PCDHGA6: variants seen among roughly 807,000 people sequenced by gnomAD.
The protein encoded by PCDHGA6 is protocadherin gamma-A6.
A neutral mutation model predicts 60.6 loss-of-function variants in PCDHGA6; 41 were observed. The observed-to-expected ratio is 0.68, with a 90% CI of 0.53 to 0.88. The LOEUF is 0.88. Among genes scored for constraint, PCDHGA6 ranks in the 40% least tolerant of loss-of-function variants. PCDHGA6 has a pLI of 0.00. For missense variants in PCDHGA6, 1,312 were observed against 1,203.0 expected (o/e 1.09, Z -1.34); for synonymous variants, 594 against 524.4 (o/e 1.13, Z -1.81).
intron 1 of PCDHGA6, chr5:141,415,531 C>G (rs777787905): frequency 1.2e-6 from 2 of 1,614,030 alleles, no homozygotes; most frequent in Non-Finnish European, 1.7e-6. Context: ...GCTCATCAGC[C>G]AGGAGAGCTG....
chr5:141,477,223 T>C lies in PCDHGA6; in HGVS notation c.2425-17584T>C. The C allele has an allele frequency of 6.2e-7, 1 of 1,614,198 alleles. No homozygotes were observed. On this transcript the variant is annotated intron_variant, in intron 1 of 3. Coordinates refer to ENST00000517434, the MANE Select transcript of PCDHGA6 (RefSeq NM_018919.3). This position sits in a 1 kb window ranked among gnomAD's most constrained non-coding sequence, Gnocchi z 4.9. ...TACCCGAGGATGCCCCTCTGGGGAC[T>C]GTCATCGCTTTGCTCAGTGTGACTG... is the stretch of plus-strand genomic sequence containing the variant.
rs2098680935 is a variant in PCDHGA6, at chr5:141,450,471, G to A, written c.2425-44336G>A. 2.0e-5 allele frequency among the ~76,000 whole-genome samples: 3 copies of A among 147,910 alleles called. No homozygotes were observed. In the South Asian group the frequency reaches 6.2e-4, roughly 31 times the overall value. ...GTTTCCTCGTGATTTTATATATAGA[G>A]TTTGTTTGTTTGTTTGTCTGTTTGT... On this transcript the variant is annotated intron_variant, in intron 1 of 3. Transcript: ENST00000517434.
intron 1 of PCDHGA6, chr5:141,418,958 G>A: frequency 4.3e-6 from 7 of 1,614,000 alleles, no homozygotes; most frequent in Non-Finnish European, 5.9e-6. Context: ...AGTGGTTGTT[G>A]CCCTCTTCAA....
chr5:141,419,514 T>C (rs1180212485), intron 1 of PCDHGA6: 1 of 1,612,266 alleles, frequency 6.2e-7, no homozygotes, highest in Admixed American at 1.7e-5. Context: ...CGCGTGTTGG[T>C]GGGCGACCGT....
At chr5:141,415,937 C>T (rs939831077) in intron 1 of PCDHGA6, 8 of 587,822 alleles carry the variant, frequency 1.4e-5, no homozygotes, top group Non-Finnish European at 2.0e-5. Context: ...TATATTTCCT[C>T]CTGGGTGGTC....
rs375166529 is a variant in PCDHGA6, at chr5:141,399,734, C to G, written c.2424+23227C>G. The G allele has an allele frequency of 3.7e-6, 6 of 1,613,220 alleles. No homozygotes were observed. The African/African-American group carries it at 4.0e-5, about 11-fold the overall frequency. ...CTACAGGCCCGCGACCAGGGCTCGC[C>G]TGCGCTCAGCGCAAACGTGAGCCTG... On this transcript the variant is annotated intron_variant, in intron 1 of 3. Transcript: ENST00000517434.
chr5:141,443,226 A>T (rs2098374954), intron 1 of PCDHGA6, among the ~76,000 whole-genome samples: 1 of 152,042 alleles, frequency 6.6e-6, no homozygotes, highest in Non-Finnish European at 1.5e-5. Flanking sequence ...CGCATCTATA[A>T]TCTTAGCACT....
chr5:141,405,835 A>C (rs2094724459), intron 1 of PCDHGA6, among the ~76,000 whole-genome samples: 1 of 152,178 alleles, frequency 6.6e-6, no homozygotes, highest in African/African-American at 2.4e-5. Flanking sequence ...AGGTAGTATA[A>C]GTTGATATCA....
At position 141,432,458 on chromosome 5, in the gene PCDHGA6, C is replaced by T. The variant is rs1368524835; in HGVS notation, c.2424+55951C>T. 1.9e-6 allele frequency: 3 copies of T among 1,614,136 alleles called. No individual in the cohort carries two copies. The highest frequency in any genetic ancestry group is 8.5e-7 in the Non-Finnish European group (1 of 1,180,066). ...TGCGCCCGAGATCCTGTACCCCGCC[C>T]TCCCCACGGACGGTTCCACTGGCGT... On this transcript the variant is annotated intron_variant, in intron 1 of 3. Transcript: ENST00000517434. This position sits in a 1 kb window ranked among gnomAD's most constrained non-coding sequence, Gnocchi z 6.0.
chr5:141,442,898 TCTC>T (rs1427810429), intron 1 of PCDHGA6, among the ~76,000 whole-genome samples: 14 of 152,222 alleles, frequency 9.2e-5, no homozygotes, highest in Admixed American at 9.2e-4. Context: ...GCTTATCACT[TCTC>T]CTTCAGCACA....
chr5:141,426,085 C>T (rs1315114723), intron 1 of PCDHGA6, among the ~76,000 whole-genome samples: 7 of 152,148 alleles, frequency 4.6e-5, no homozygotes, highest in Non-Finnish European at 8.8e-5. Flanking sequence ...TCTACCAGGA[C>T]GATATTCTGT....
intron 1 of PCDHGA6, chr5:141,398,834 A>T: frequency 6.2e-7 from 1 of 1,614,014 alleles, no homozygotes; most frequent in Non-Finnish European, 8.5e-7. Context: ...ACCGACGCCA[A>T]TGATAATCCC....
In PCDHGA6 at chr5:141,485,076, G is replaced by A; in HGVS notation, c.2425-9731G>A. 2.1e-6 allele frequency: 2 copies of A among 944,586 alleles called. No homozygotes were observed. Among genetic ancestry groups the A allele is most frequent in the East Asian group, 2.4e-5 (1 of 41,508 alleles). The allele number at this position is 944,586 out of a possible 1,614,324, so 58.5% of individuals were successfully genotyped here. ...CCGAACCGCGCCAGAGCTGGCGCGG[G>A]GAAAGGGAGATAGGTGTCTCCAGCT... On this transcript the variant is annotated intron_variant, in intron 1 of 3. Coordinates refer to ENST00000517434, the MANE Select transcript of PCDHGA6 (RefSeq NM_018919.3). This position sits in a 1 kb window ranked among gnomAD's most constrained non-coding sequence, Gnocchi z 5.7.
intron 1 of PCDHGA6, among the ~76,000 whole-genome samples, chr5:141,472,688 A>G (rs970538300): frequency 2.0e-5 from 3 of 151,384 alleles, no homozygotes; most frequent in African/African-American, 7.3e-5. Context: ...CATTTCCCCT[A>G]GAAATAAGTG....
Position 141,485,411 on chromosome 5 carries a change from G to C in PCDHGA6, c.2425-9396G>C, listed in dbSNP as rs1412397411. On this transcript the variant is annotated intron_variant, in intron 1 of 3. Coordinates refer to ENST00000517434, the MANE Select transcript of PCDHGA6 (RefSeq NM_018919.3). This position sits in a 1 kb window ranked among gnomAD's most constrained non-coding sequence, Gnocchi z 5.7. The stretch of plus-strand genomic sequence containing the variant: ...CCAAAGACACTTCCGTGTGGATTTG[G>C]ACAGCGGAGCCCTGCTCATCAAGAA... The C allele has an allele frequency of 2.5e-6, 4 of 1,614,054 alleles. No homozygotes were observed. Among genetic ancestry groups the C allele is most frequent in the Non-Finnish European group, 3.4e-6 (4 of 1,180,044 alleles).
chr5:141,478,109 T>C, intron 1 of PCDHGA6: 1 of 1,614,086 alleles, frequency 6.2e-7, no homozygotes, highest in Non-Finnish European at 8.5e-7. Context: ...CCTCACTGTG[T>C]CAGTAACCGA....
At chr5:141,425,214 A>G (rs999893857) in intron 1 of PCDHGA6, among the ~76,000 whole-genome samples, 2 of 152,178 alleles carry the variant, frequency 1.3e-5, no homozygotes, top group Non-Finnish European at 2.9e-5. Context: ...AAGGCATTGT[A>G]CTTTGACTGG....
chr5:141,432,528 A>T lies in PCDHGA6; in HGVS notation c.2424+56021A>T. The T allele has an allele frequency of 1.2e-6, 2 of 1,613,804 alleles. No homozygotes were observed. The highest frequency in any genetic ancestry group is 1.7e-6 in the Non-Finnish European group (2 of 1,180,000). ...GCAGAGCCCGGCTACCTGGTGACCA[A>T]GGTGGTGGCGGTGGACAGAGACTCC... is the stretch of plus-strand genomic sequence containing the variant. On this transcript the variant is annotated intron_variant, in intron 1 of 3. Transcript: ENST00000517434. This position sits in a 1 kb window ranked among gnomAD's most constrained non-coding sequence, Gnocchi z 6.0.
At chr5:141,510,879 G>T in intron 3 of PCDHGA6, 68 bp from the exon 4 acceptor site, 1 of 1,611,520 alleles carries the variant, frequency 6.2e-7, no homozygotes, top group Non-Finnish European at 8.5e-7. Flanking sequence ...TAACTGCTGG[G>T]GATATAAGAC....
Sources: gnomAD v4.1 joint callset for allele counts (sites outside exome capture counted in the v4.1 genomes callset) on GRCh38, gnomAD v4.1.1 for gene constraint, Gnocchi (gnomAD v3.1) non-coding constraint, MANE v1.5 for transcripts, NCBI Gene and HGNC (gene_info 2026-07-23, HGNC 2026-07-21) for gene names.